PCYT2: variants seen among roughly 807,000 people sequenced by gnomAD.
PCYT2 encodes the protein phosphate cytidylyltransferase 2, ethanolamine.
A neutral mutation model predicts 50.0 loss-of-function variants in PCYT2; 33 were observed. The observed-to-expected ratio is 0.66, with a 90% confidence interval of 0.50 to 0.88. The LOEUF (loss-of-function observed/expected upper bound fraction) is 0.88. Among genes scored for constraint, PCYT2 ranks in the 40% least tolerant of loss-of-function variants. PCYT2 has a pLI of 0.00. For synonymous variants in PCYT2, 240 were observed against 203.7 expected, an observed-to-expected ratio of 1.18 and a Z score of -1.52; for missense variants, 430 against 519.7, an observed-to-expected ratio of 0.83 and a Z score of 1.68.
intron 1 of PCYT2, among the ~76,000 whole-genome samples, chr17:81,910,432 G>A (rs1381174787): frequency 1.3e-5 from 2 of 152,220 alleles, no homozygotes; most frequent in East Asian, 1.9e-4. Context: ...GCCACAGTGC[G>A]CGGAGCCCGG....
intron 6 of PCYT2, 79 bp from the exon 7 acceptor site, chr17:81,906,977 T>A (rs1041303615): frequency 4.4e-5 from 65 of 1,472,218 alleles, no homozygotes; most frequent in Non-Finnish European, 5.7e-5. Flanking sequence ...AACCCTCAGC[T>A]GTCACCTGCC....
At chr17:81,905,888 C>T in intron 9 of PCYT2, 153 bp from the exon 10 acceptor site, 1 of 832,650 alleles carries the variant, frequency 1.2e-6, no homozygotes, top group South Asian at 1.4e-5. Flanking sequence ...GGGGCTCCTC[C>T]ATGAGACAAG....
chr17:81,902,119 G>T lies in PCYT2; in HGVS notation c.*2714C>A, dbSNP rs1247408910. ...GCTGGTTCCTTTGGGATGCGGAGGTGCGACGGCTCCTCCGCGCGCGCCCGC... is the reference window on the plus strand; with the variant it reads ...GCTGGTTCCTTTGGGATGCGGAGGTTCGACGGCTCCTCCGCGCGCGCCCGC... On this transcript the variant is annotated 3_prime_UTR_variant, in exon 13 of 13. Coordinates refer to ENST00000538936, the MANE Select transcript of PCYT2 (RefSeq NM_002861.5). 4 of 566,358 alleles carry T rather than the reference G, an allele frequency of 7.1e-6. No homozygotes were observed. The East Asian group carries it at 1.4e-4, about 20-fold the overall frequency. 35.1% of individuals were successfully genotyped at this position (566,358 alleles called of 1,614,324 possible).
In PCYT2 at chr17:81,907,704, A is replaced by G. The variant is rs1598325102; in HGVS notation, c.492+69T>C. 37 of 1,595,296 alleles carry G rather than the reference A, an allele frequency of 2.3e-5. No homozygotes were observed. In the East Asian group the frequency reaches 8.3e-4, roughly 36 times the overall value. Reference sequence around the variant, plus strand: ...GTGGGCAGGAGGACCCTGAGAGGGCAGGGAGGTGCCCCTCCTTTCCCCTGG... The same window carrying G: ...GTGGGCAGGAGGACCCTGAGAGGGCGGGGAGGTGCCCCTCCTTTCCCCTGG... On this transcript the variant is annotated intron_variant, in intron 5 of 12. Transcript: ENST00000538936.
At position 81,902,910 on chromosome 17, in the gene PCYT2, G is replaced by A; in HGVS notation, c.*1923C>T. ...AATAAATGAGGCGGCCTCGGAGTGA[G>A]GGGTGCTGGAGGACTGGCAGCCAGG... is the stretch of plus-strand genomic sequence containing the variant. On this transcript the variant is annotated 3_prime_UTR_variant, in exon 13 of 13. Transcript: ENST00000538936. 3.1e-6 allele frequency: 2 copies of A among 637,258 alleles called. No homozygotes were observed. Among genetic ancestry groups the A allele is most frequent in the Non-Finnish European group, 5.0e-6 (2 of 396,844 alleles). The allele number at this position is 637,258 out of a possible 1,614,324, so 39.5% of individuals were successfully genotyped here. A position where few individuals can be genotyped will look rare whatever the true frequency, so the allele number is the denominator to read the frequency against.
intron 1 of PCYT2, among the ~76,000 whole-genome samples, chr17:81,910,388 C>G (rs950260568): frequency 6.6e-6 from 1 of 152,242 alleles, no homozygotes; most frequent in African/African-American, 2.4e-5. Context: ...CAGAGTTGCT[C>G]CACTGCACAC....
intron 4 of PCYT2, 44 bp downstream of exon 4, chr17:81,908,524 C>T (rs777938145): frequency 6.8e-6 from 10 of 1,460,250 alleles, no homozygotes; most frequent in South Asian, 4.6e-5. Context: ...GAGGGAGCCC[C>T]GTGTCCAGCT....
At chr17:81,907,716 C>G in intron 5 of PCYT2, 57 bp downstream of exon 5, 1 of 1,596,080 alleles carries the variant, frequency 6.3e-7, no homozygotes, top group South Asian at 1.1e-5. Context: ...GGAGGTGCCC[C>G]TCCTTTCCCC....
At chr17:81,905,511 C>A in intron 10 of PCYT2, 64 bp from the exon 11 acceptor site, 1 of 1,494,352 alleles carries the variant, frequency 6.7e-7, no homozygotes, top group East Asian at 2.4e-5. Context: ...ACCCACAGCC[C>A]AGCACAGGCC....
chr17:81,910,590 C>T (rs1459607622), intron 1 of PCYT2, among the ~76,000 whole-genome samples: 1 of 152,302 alleles, frequency 6.6e-6, no homozygotes, highest in East Asian at 1.9e-4. Context: ...GACACAAAGC[C>T]ACATTCCTTT....
At chr17:81,910,790 C>T (rs1321582918) in intron 1 of PCYT2, 3 of 652,092 alleles carry the variant, frequency 4.6e-6, no homozygotes, top group Non-Finnish European at 3.8e-6. Context: ...AAAACAATGC[C>T]CTCTGACTGG....
intron 1 of PCYT2, among the ~76,000 whole-genome samples, chr17:81,909,958 G>A (rs1264896218): frequency 6.6e-6 from 1 of 152,204 alleles, no homozygotes; most frequent in African/African-American, 2.4e-5. Flanking sequence ...GCCCTGGGCA[G>A]TCACTTTAAA....
rs759303384 is a variant in PCYT2, at chr17:81,903,856, A to T, written c.*977T>A. The stretch of plus-strand genomic sequence containing the variant: ...TGTGGGGCTGAAAAAAGTACTGATC[A>T]TAAGCCTCATTTTGAATGCGGCGAG... On this transcript the variant is annotated 3_prime_UTR_variant, in exon 13 of 13. Transcript: ENST00000538936. 1 of 152,248 alleles carries T rather than the reference A, an allele frequency of 6.6e-6. No individual in the cohort carries two copies. Among genetic ancestry groups the T allele is most frequent in the Non-Finnish European group, 1.5e-5 (1 of 68,056 alleles). The allele number at this position is 152,248 out of a possible 1,614,324, so 9.4% of individuals were successfully genotyped here.
chr17:81,902,206 A>T lies in PCYT2; in HGVS notation c.*2627T>A. The T allele has an allele frequency of 8.4e-7, 1 of 1,183,952 alleles. No individual in the cohort carries two copies. 73.3% of individuals were successfully genotyped at this position (1,183,952 alleles called of 1,614,324 possible). On this transcript the variant is annotated 3_prime_UTR_variant, in exon 13 of 13. Coordinates refer to ENST00000538936, the MANE Select transcript of PCYT2 (RefSeq NM_002861.5). ...CGCAGCCTCGGCCCGCCCTCGCCGC[A>T]GATATAAGGCGGCCCAGGCGGTGGC...
intron 4 of PCYT2, among the ~76,000 whole-genome samples, chr17:81,908,188 G>A (rs895352956): frequency 1.3e-5 from 2 of 148,702 alleles, no homozygotes; most frequent in Non-Finnish European, 3.0e-5. Flanking sequence ...TGCCCGCTGA[G>A]CATCTGCAGC....
chr17:81,903,010 A>C lies in PCYT2; in HGVS notation c.*1823T>G. The C allele has an allele frequency of 2.0e-6, 1 of 491,632 alleles. No homozygotes were observed. The highest frequency in any genetic ancestry group is 3.6e-6 in the Non-Finnish European group (1 of 281,458). The allele number at this position is 491,632 out of a possible 1,614,324, so 30.5% of individuals were successfully genotyped here. ...CAGCCGAGTGTGCGGCGGCAGGGCA[A>C]GGTTGGCCTGGGCCGCCCAGAGGTC... On this transcript the variant is annotated 3_prime_UTR_variant, in exon 13 of 13. Coordinates refer to ENST00000538936, the MANE Select transcript of PCYT2 (RefSeq NM_002861.5).
At chr17:81,905,329 C>G (rs2040194406) in intron 11 of PCYT2, 53 bp downstream of exon 11, 1 of 1,485,906 alleles carries the variant, frequency 6.7e-7, no homozygotes, top group Non-Finnish European at 9.2e-7. Flanking sequence ...CATTAAATGG[C>G]TGGGAGGTGC....
At chr17:81,905,001 G>A in intron 12 of PCYT2, 57 bp from the exon 13 acceptor site, 1 of 1,585,128 alleles carries the variant, frequency 6.3e-7, no homozygotes, top group Non-Finnish European at 8.6e-7. Context: ...CCGAGGGGGA[G>A]GGCACGGTAA....
chr17:81,906,435 A>T (rs758328862), intron 8 of PCYT2, 29 bp downstream of exon 8: 1 of 1,592,856 alleles, frequency 6.3e-7, no homozygotes, highest in Non-Finnish European at 8.6e-7. Flanking sequence ...TCAGCTGCCC[A>T]GGGGCCCAGG....
Sources: gnomAD v4.1 joint callset for allele counts (sites outside exome capture counted in the v4.1 genomes callset) on GRCh38, gnomAD v4.1.1 for gene constraint, MANE v1.5 for transcripts, NCBI Gene and HGNC (gene_info 2026-07-23, HGNC 2026-07-21) for gene names.